The following ESRRG variants were observed in gnomAD, a reference collection of about 807,000 sequenced individuals.
ESRRG encodes the protein estrogen related receptor gamma.
A neutral mutation model predicts 44.0 loss-of-function variants in ESRRG; 13 were observed. That is an observed-to-expected ratio of 0.30 (90% confidence interval 0.19 to 0.47). The LOEUF is 0.47. ESRRG is among the 20% of genes least tolerant of loss of function. The probability of loss-of-function intolerance (pLI) is 1.00; values close to 1 mark genes in which losing one functional copy is unlikely to be tolerated. For missense variants in ESRRG, 395 were observed against 580.6 expected, an observed-to-expected ratio of 0.68 and a Z score of 3.29; for synonymous variants, 215 against 214.6, an observed-to-expected ratio of 1.00 and a Z score of -0.02.
At chr1:216,726,769 C>T (rs1480105075), upstream of ESRRG, among the ~76,000 whole-genome samples, 1 of 152,106 alleles carries the variant, frequency 6.6e-6, no homozygotes, top group Non-Finnish European at 1.5e-5. Context: ...TTAAACAATG[C>T]AGTCATAAAT....
chr1:216,563,894 A>C (rs140764439), intron 5 of ESRRG, among the ~76,000 whole-genome samples: 1 of 152,202 alleles, frequency 6.6e-6, no homozygotes, highest in African/African-American at 2.4e-5. Flanking sequence ...GTGAAAAGAA[A>C]AAGTAGAAGT....
intron 1 of ESRRG, among the ~76,000 whole-genome samples, chr1:216,959,227 T>C (rs2068553154): frequency 6.6e-6 from 1 of 152,118 alleles, no homozygotes; most frequent in African/African-American, 2.4e-5. Context: ...TAGAACAAGT[T>C]TTTAATGCTC....
intron 1 of ESRRG, among the ~76,000 whole-genome samples, chr1:216,989,831 G>A (rs2075414172): frequency 6.6e-6 from 1 of 152,106 alleles, no homozygotes; most frequent in East Asian, 1.9e-4. Context: ...GTCCTGGTGA[G>A]AAGAAAGTTC....
chr1:216,712,869 G>T (rs1186668250), intron 1 of ESRRG, among the ~76,000 whole-genome samples: 2 of 152,124 alleles, frequency 1.3e-5, no homozygotes, highest in Admixed American at 6.5e-5. Flanking sequence ...TTAAACTGAT[G>T]ACCTTTCTTC....
chr1:216,528,048 A>T (rs903239319), intron 5 of ESRRG, among the ~76,000 whole-genome samples: 4 of 129,024 alleles, frequency 3.1e-5, no homozygotes, highest in Non-Finnish European at 6.3e-5. Flanking sequence ...TAAATGAATG[A>T]ATAGAGAATT....
intron 1 of ESRRG, among the ~76,000 whole-genome samples, chr1:217,022,361 C>T (rs1435718510): frequency 1.3e-5 from 2 of 152,198 alleles, no homozygotes; most frequent in Non-Finnish European, 2.9e-5. Flanking sequence ...AGACCCACAT[C>T]AATTACCGAT....
At chr1:216,547,378 G>T (rs1260984073) in intron 5 of ESRRG, among the ~76,000 whole-genome samples, 1 of 151,950 alleles carries the variant, frequency 6.6e-6, no homozygotes, top group Non-Finnish European at 1.5e-5. Context: ...TTCAATGTTA[G>T]TCCATTTGTT....
intron 2 of ESRRG, among the ~76,000 whole-genome samples, chr1:216,894,221 G>A (rs78530163): frequency 0.017 from 2,658 of 152,166 alleles, 81 homozygotes; most frequent in African/African-American, 0.06. Flanking sequence ...GGTCAGATCA[G>A]GAAACTATGA....
intron 2 of ESRRG, among the ~76,000 whole-genome samples, chr1:216,799,219 C>T (rs2094551025): frequency 6.6e-6 from 1 of 152,106 alleles, no homozygotes; most frequent in Non-Finnish European, 1.5e-5. Context: ...AGAATATTCT[C>T]TTGACTCAGG....
chr1:217,047,365 A>G (rs2085078919), intron 1 of ESRRG, among the ~76,000 whole-genome samples: 1 of 152,150 alleles, frequency 6.6e-6, no homozygotes, highest in South Asian at 2.1e-4. Flanking sequence ...AGTGTTTTGC[A>G]TCTTGGTAAA....
intron 2 of ESRRG, among the ~76,000 whole-genome samples, chr1:216,853,661 C>A (rs556709078): frequency 6.6e-6 from 1 of 152,122 alleles, no homozygotes; most frequent in Non-Finnish European, 1.5e-5. Flanking sequence ...TTCCAAAGAC[C>A]GGGTAAACTC....
intron 1 of ESRRG, chr1:216,714,511 C>A: frequency 1.2e-6 from 1 of 819,394 alleles, no homozygotes; most frequent in Non-Finnish European, 1.5e-6. Flanking sequence ...TATCACCGAA[C>A]TTACCCCAGA....
At chr1:216,692,267 C>T (rs2079182746) in intron 1 of ESRRG, among the ~76,000 whole-genome samples, 1 of 150,814 alleles carries the variant, frequency 6.6e-6, no homozygotes, top group Non-Finnish European at 1.5e-5. Context: ...AGGTGGAAAA[C>T]AGTGATGTGG....
At chr1:216,539,687 C>T (rs2052104058) in intron 5 of ESRRG, among the ~76,000 whole-genome samples, 1 of 151,982 alleles carries the variant, frequency 6.6e-6, no homozygotes. Context: ...CAGAGACTTA[C>T]ACATACTAGG....
At chr1:216,620,305 T>A (rs559004886) in intron 3 of ESRRG, among the ~76,000 whole-genome samples, 12 of 152,304 alleles carry the variant, frequency 7.9e-5, no homozygotes, top group African/African-American at 2.4e-4. Flanking sequence ...GTGTAAAGCA[T>A]TTAGAACATG....
intron 2 of ESRRG, among the ~76,000 whole-genome samples, chr1:216,913,787 T>C (rs1471107855): frequency 6.6e-6 from 1 of 152,238 alleles, no homozygotes; most frequent in East Asian, 1.9e-4. Context: ...CTGTAAGTCA[T>C]TGTTATTAAT....
At chr1:217,080,950 T>C (rs1256163216) in intron 1 of ESRRG, among the ~76,000 whole-genome samples, 4 of 152,048 alleles carry the variant, frequency 2.6e-5, no homozygotes, top group Non-Finnish European at 4.4e-5. Flanking sequence ...GTGTTGGGAT[T>C]ACAGGCGTGA....
intron 1 of ESRRG, among the ~76,000 whole-genome samples, chr1:216,960,617 C>T (rs1006189507): frequency 1.3e-5 from 2 of 151,654 alleles, no homozygotes; most frequent in Admixed American, 6.6e-5. Context: ...GACAGAGTCT[C>T]ACTTGTTGTC....
chr1:216,568,445 C>A (rs2060078293), intron 3 of ESRRG, among the ~76,000 whole-genome samples: 1 of 152,156 alleles, frequency 6.6e-6, no homozygotes. Context: ...CATTTAGCAT[C>A]CTTTTCATCA....
Sources: allele counts gnomAD v4.1 joint callset (sites outside exome capture counted in the v4.1 genomes callset), GRCh38; gene constraint gnomAD v4.1.1; transcripts MANE v1.5; gene names NCBI Gene and HGNC (gene_info 2026-07-23, HGNC 2026-07-21).